The following MGAT5 variants were observed in gnomAD, a reference collection of about 807,000 sequenced individuals.
MGAT5 encodes the protein alpha-1,6-mannosylglycoprotein 6-beta-N-acetylglucosaminyltransferase A.
MGAT5 carries 30 observed loss-of-function variants against 94.3 expected under a neutral mutation model. The ratio of observed to expected loss-of-function variants is 0.32; its 90% CI spans 0.24 to 0.43. The LOEUF (loss-of-function observed/expected upper bound fraction) is 0.43, where lower values mean the gene tolerates loss of function less well. MGAT5 is among the 20% of genes least tolerant of loss of function. MGAT5 has a pLI of 1.00. For synonymous variants in MGAT5, 310 were observed against 322.9 expected (o/e 0.96, Z 0.43); for missense variants, 691 against 905.5 (o/e 0.76, Z 3.04).
At chr2:134,412,440 C>G (rs1056368670) in intron 11 of MGAT5, among the ~76,000 whole-genome samples, 1 of 152,072 alleles carries the variant, frequency 6.6e-6, no homozygotes, top group Non-Finnish European at 1.5e-5. Flanking sequence ...CCTGAAAGGG[C>G]CTGTTGTTTC....
intron 1 of MGAT5, among the ~76,000 whole-genome samples, chr2:134,156,194 A>G (rs921679284): frequency 1.3e-5 from 2 of 152,094 alleles, no homozygotes; most frequent in African/African-American, 4.8e-5. Context: ...TGTGCATGAG[A>G]TCTTGTTTAT....
intron 1 of MGAT5, among the ~76,000 whole-genome samples, chr2:134,161,168 A>G (rs1449204247): frequency 1.3e-5 from 2 of 152,198 alleles, no homozygotes; most frequent in Non-Finnish European, 2.9e-5. Flanking sequence ...AGACGTTGTC[A>G]CCATGGATTC....
intron 15 of MGAT5, among the ~76,000 whole-genome samples, chr2:134,447,188 G>A (rs1685834163): frequency 6.6e-6 from 1 of 152,142 alleles, no homozygotes; most frequent in Non-Finnish European, 1.5e-5. Context: ...CAGAGGCAAC[G>A]AGAAACCTCA....
At chr2:134,236,125 G>A (rs1029500280) in intron 1 of MGAT5, among the ~76,000 whole-genome samples, 3 of 152,208 alleles carry the variant, frequency 2.0e-5, no homozygotes, top group Admixed American at 6.5e-5. Context: ...GTTTTGAGAT[G>A]TGGCTTGTTC....
chr2:134,390,363 T>TTTG (rs201719675), intron 10 of MGAT5, among the ~76,000 whole-genome samples: 1 of 149,858 alleles, frequency 6.7e-6, no homozygotes, highest in Admixed American at 7.6e-5. Context: ...TGTTTGTTTG[T>TTTG]TTTTTTATTA....
chr2:134,338,559 C>A, intron 6 of MGAT5, 139 bp downstream of exon 6: 2 of 939,046 alleles, frequency 2.1e-6, no homozygotes, highest in Non-Finnish European at 3.0e-6. Flanking sequence ...TCTTGTACAG[C>A]TGTTTTTGGG....
chr2:134,145,540 C>T (rs1330706717), intron 1 of MGAT5, among the ~76,000 whole-genome samples: 15 of 151,976 alleles, frequency 9.9e-5, no homozygotes, highest in Non-Finnish European at 1.6e-4. Context: ...AGCGAGACTC[C>T]GTCTCAAAAA....
intron 4 of MGAT5, among the ~76,000 whole-genome samples, chr2:134,322,009 A>C (rs1371128): frequency 0.94 from 142,590 of 152,182 alleles, 67,294 homozygotes; most frequent in East Asian, 1. Flanking sequence ...AATAGGAATA[A>C]TATCTTAGAG....
At chr2:134,310,884 A>G (rs766780320) in intron 2 of MGAT5, among the ~76,000 whole-genome samples, 30 of 152,206 alleles carry the variant, frequency 2.0e-4, no homozygotes, top group Non-Finnish European at 4.1e-4. Flanking sequence ...CTGTGTCTCC[A>G]AGCCCATTGT....
At chr2:134,287,688 A>G (rs1478682552) in intron 2 of MGAT5, among the ~76,000 whole-genome samples, 3 of 152,182 alleles carry the variant, frequency 2.0e-5, no homozygotes, top group African/African-American at 7.2e-5. Flanking sequence ...AAGACCTTTT[A>G]AAATTTGTAG....
At chr2:134,144,608 G>A (rs1251711952) in intron 1 of MGAT5, among the ~76,000 whole-genome samples, 1 of 152,182 alleles carries the variant, frequency 6.6e-6, no homozygotes, top group Admixed American at 6.5e-5. Context: ...ATCCTTTGGG[G>A]AATGGGAAGA....
At chr2:134,438,298 G>GA (rs1300474531) in intron 14 of MGAT5, among the ~76,000 whole-genome samples, 5 of 152,234 alleles carry the variant, frequency 3.3e-5, no homozygotes, top group Admixed American at 6.5e-5. Flanking sequence ...TCCAAAATCT[G>GA]AAAAAATCCA....
At chr2:134,446,181 C>T (rs1410682033) in intron 15 of MGAT5, among the ~76,000 whole-genome samples, 1 of 152,046 alleles carries the variant, frequency 6.6e-6, no homozygotes, top group Non-Finnish European at 1.5e-5. Context: ...TCACCCCAGG[C>T]AGGCTTCTGC....
intron 1 of MGAT5, among the ~76,000 whole-genome samples, chr2:134,150,988 G>A (rs1035542145): frequency 2.0e-5 from 3 of 152,240 alleles, no homozygotes; most frequent in Admixed American, 2.0e-4. Context: ...TGCCAAATCT[G>A]CACCCCACCC....
chr2:134,387,374 A>G (rs1263745519), intron 10 of MGAT5, among the ~76,000 whole-genome samples: 4 of 126,714 alleles, frequency 3.2e-5, no homozygotes, highest in Admixed American at 2.6e-4. Context: ...CACAGAAACT[A>G]GATTTCATAG....
In MGAT5 at chr2:134,338,893, G is replaced by T. The variant is rs546065953; in HGVS notation, c.807+473G>T. On this transcript the variant is annotated intron_variant, in intron 6 of 15. Transcript: ENST00000281923. ...GAGAAATTTGATTAAATTTGAGCCA[G>T]TTTCTTTCTAGTTTATGAGGACAGG... is the stretch of plus-strand genomic sequence containing the variant. Among the ~76,000 whole-genome samples, 3 of 152,124 alleles carry T rather than the reference G, an allele frequency of 2.0e-5. No individual in the cohort carries two copies. In the South Asian group the frequency reaches 6.2e-4, roughly 32 times the overall value.
At chr2:134,443,866 A>G (rs1558892210) in intron 15 of MGAT5, among the ~76,000 whole-genome samples, 1 of 152,190 alleles carries the variant, frequency 6.6e-6, no homozygotes, top group East Asian at 1.9e-4. Flanking sequence ...CTTCTGGAAG[A>G]AGAGATACGA....
intron 6 of MGAT5, among the ~76,000 whole-genome samples, chr2:134,340,845 A>G (rs964146874): frequency 6.6e-6 from 1 of 152,224 alleles, no homozygotes; most frequent in African/African-American, 2.4e-5. Context: ...TATGAGGCCA[A>G]GAGACATATG....
intron 10 of MGAT5, among the ~76,000 whole-genome samples, chr2:134,394,853 A>G (rs1682618131): frequency 6.6e-6 from 1 of 152,206 alleles, no homozygotes; most frequent in Non-Finnish European, 1.5e-5. Flanking sequence ...TCATCAAGCT[A>G]TCTCCTCCTT....
Sources: gnomAD v4.1 joint callset for allele counts (sites outside exome capture counted in the v4.1 genomes callset) on GRCh38, gnomAD v4.1.1 for gene constraint, MANE v1.5 for transcripts, NCBI Gene and HGNC (gene_info 2026-07-23, HGNC 2026-07-21) for gene names.